Variants in CCDC14 observed in about 807,000 individuals in gnomAD.
CCDC14 encodes the protein coiled-coil domain containing 14, also known as coiled-coil domain-containing protein 14.
In CCDC14, 71 loss-of-function variants were observed where a neutral mutation model predicts 81.4. The ratio of observed to expected loss-of-function variants is 0.87; its 90% confidence interval spans 0.72 to 1.06. The LOEUF (loss-of-function observed/expected upper bound fraction) is 1.06. Ranked by LOEUF, CCDC14 falls within the 50% of genes least tolerant of loss-of-function variation. CCDC14 has a pLI of 0.00. For synonymous variants in CCDC14, 332 were observed against 364.8 expected (o/e 0.91, Z 1.03); for missense variants, 1,046 against 1,047.3 (o/e 1.00, Z 0.02).
At chr3:123,955,730 A>T in intron 5 of CCDC14, 113 bp downstream of exon 5, 1 of 967,514 alleles carries the variant, frequency 1.0e-6, no homozygotes, top group Non-Finnish European at 1.4e-6. Flanking sequence ...AGCACACATA[A>T]ACCTAACTAA....
the CCDC14 span, among the ~76,000 whole-genome samples, chr3:123,890,404 C>T: frequency 6.6e-6 from 1 of 152,318 alleles, no homozygotes; most frequent in South Asian, 2.1e-4. Flanking sequence ...CAAGGCAAGT[C>T]CCTTCCACCT....
chr3:123,910,911 C>T (rs918167367), downstream of CCDC14, among the ~76,000 whole-genome samples: 2 of 152,140 alleles, frequency 1.3e-5, no homozygotes. Flanking sequence ...ATCCTGGTCC[C>T]TATCCTCAAG....
At position 123,914,782 on chromosome 3, in the gene CCDC14, T is replaced by C. The variant is rs1438052526; in HGVS notation, c.2715A>G (p.Lys905=). ...QKSLRTGLLE[K] is the part of the protein sequence containing the mutation. ...CCTGATGAGTTTTCTTCTGAATTCA[T>C]TTCTCCAGAAGACCAGTCCTTAAAG... The change falls in exon 13 of 13, where the codon AAA becomes AAG. Residue 905 remains lysine (K), a synonymous_variant. Transcript: ENST00000409697. 8.6e-6 allele frequency: 13 copies of C among 1,514,040 alleles called. No individual in the cohort carries two copies. Among genetic ancestry groups the C allele is most frequent in the Non-Finnish European group, 1.2e-5 (13 of 1,130,260 alleles). 93.8% of individuals were successfully genotyped at this position (1,514,040 alleles called of 1,614,324 possible).
intron 12 of CCDC14, chr3:123,930,734 TGAG>T (rs1345008650): frequency 6.0e-6 from 1 of 166,404 alleles, no homozygotes; most frequent in African/African-American, 2.4e-5. Flanking sequence ...ACTTTACAGC[TGAG>T]GTTTAGAGAA....
downstream of CCDC14, among the ~76,000 whole-genome samples, chr3:123,895,811 C>T (rs1174944373): frequency 6.6e-6 from 1 of 152,224 alleles, no homozygotes; most frequent in Non-Finnish European, 1.5e-5. Flanking sequence ...CGCTTATACA[C>T]TGTTGGTGGG....
intron 5 of CCDC14, among the ~76,000 whole-genome samples, chr3:123,907,880 A>G (rs940662465): frequency 1.3e-5 from 2 of 151,560 alleles, no homozygotes; most frequent in Non-Finnish European, 2.9e-5. Context: ...GCTATTTTGC[A>G]GTTTGGTTTT....
intron 1 of CCDC14, among the ~76,000 whole-genome samples, chr3:123,959,552 G>C (rs948899233): frequency 1.3e-5 from 2 of 152,088 alleles, no homozygotes; most frequent in Non-Finnish European, 2.9e-5. Flanking sequence ...ACATGGCTTG[G>C]AAATATTTTC....
chr3:123,913,900 CAG>C lies in CCDC14; in HGVS notation c.*877_*878del. 3 of 985,260 alleles carry C rather than the reference CAG, an allele frequency of 3.0e-6. No homozygotes were observed. The highest frequency in any genetic ancestry group is 4.7e-5 in the South Asian group (1 of 21,280). 61.0% of individuals were successfully genotyped at this position (985,260 alleles called of 1,614,324 possible). A position where few individuals can be genotyped will look rare whatever the true frequency, so the allele number is the denominator to read the frequency against. Reference sequence around the variant, plus strand: ...GCTAAGAAGTCCTGGTATAGAGAAGCAGAGAGACCAACCTACTTCATATTATT... The same window carrying C: ...GCTAAGAAGTCCTGGTATAGAGAAGCAGAGACCAACCTACTTCATATTATT... On this transcript the variant is annotated 3_prime_UTR_variant, in exon 13 of 13. Transcript: ENST00000409697.
At chr3:123,893,411 A>AT (rs549335583), downstream of CCDC14, among the ~76,000 whole-genome samples, 4 of 152,214 alleles carry the variant, frequency 2.6e-5, no homozygotes, top group South Asian at 2.1e-4. Flanking sequence ...TCAAAACTTC[A>AT]TTTTTTTATA....
chr3:123,944,678 G>A (rs1453535532), intron 9 of CCDC14, among the ~76,000 whole-genome samples, 171 bp downstream of exon 9: 1 of 152,132 alleles, frequency 6.6e-6, no homozygotes, highest in African/African-American at 2.4e-5. Flanking sequence ...TGGGCAGAAG[G>A]AAGAGTTAGA....
In CCDC14 at chr3:123,908,416, T is replaced by G. The variant is rs149342251; in HGVS notation, c.668-10803A>C. On this transcript the variant is annotated intron_variant, in intron 5 of 5. Coordinates refer to the CCDC14 transcript ENST00000479903. ...CAGACAGCAATAAATTGTAAATGAA[T>G]GAAGGTCACATAACACATAAAGACA... Among the ~76,000 whole-genome samples, 1,024 of 152,272 alleles carry G rather than the reference T, an allele frequency of 6.7e-3. 15 individuals carry two copies. Among genetic ancestry groups the G allele is most frequent in the African/African-American group, 0.024 (980 of 41,558 alleles).
At chr3:123,931,600 T>TAA (rs10573718) in intron 10 of CCDC14, 74 bp from the exon 11 acceptor site, 49 of 527,412 alleles carry the variant, frequency 9.3e-5, no homozygotes, top group Middle Eastern at 5.4e-4. Context: ...ACCTGTTTCT[T>TAA]AAAAAAAAAA....
At chr3:123,907,644 A>G (rs1171160102) in intron 5 of CCDC14, among the ~76,000 whole-genome samples, 2 of 151,932 alleles carry the variant, frequency 1.3e-5, no homozygotes, top group Non-Finnish European at 2.9e-5. Context: ...GTTTGAGGTT[A>G]CAGTGAGCTT....
rs1176809845 is a variant in CCDC14, at chr3:123,956,501, C to T, written c.87-74G>A. ...TATTAGTAAGTAGTCATTTTCTTTC[C>T]AGCAAAGACAAGAAAGCTTGTCCAA... On this transcript the variant is annotated intron_variant, in intron 2 of 12. Coordinates refer to ENST00000409697, the MANE Select transcript of CCDC14 (RefSeq NM_001366335.1). 4.6e-6 allele frequency: 5 copies of T among 1,086,262 alleles called. No homozygotes were observed. In the African/African-American group the frequency reaches 8.0e-5, roughly 17 times the overall value. 67.3% of individuals were successfully genotyped at this position (1,086,262 alleles called of 1,614,324 possible).
chr3:123,921,774 T>A (rs2035062213), intron 12 of CCDC14, among the ~76,000 whole-genome samples: 1 of 152,186 alleles, frequency 6.6e-6, no homozygotes, highest in Non-Finnish European at 1.5e-5. Flanking sequence ...AATCTCATAA[T>A]GTTTTAAGAA....
chr3:123,907,352 C>G (rs1273926810), intron 5 of CCDC14, among the ~76,000 whole-genome samples: 1 of 152,066 alleles, frequency 6.6e-6, no homozygotes, highest in African/African-American at 2.4e-5. Context: ...CTCTCTGTCT[C>G]TAAACACACA....
intron 5 of CCDC14, among the ~76,000 whole-genome samples, chr3:123,906,932 C>A (rs190236818): frequency 4.6e-5 from 7 of 152,328 alleles, no homozygotes; most frequent in Middle Eastern, 3.4e-3. Context: ...GTTCTGCCAA[C>A]TCCTGCTTCA....
downstream of CCDC14, chr3:123,897,481 G>A (rs979143019): frequency 4.4e-5 from 12 of 275,130 alleles, no homozygotes; most frequent in Admixed American, 2.0e-4. Flanking sequence ...AGTTGAAGTG[G>A]GTGCTGGGGC....
chr3:123,907,854 T>G (rs1206878863), intron 5 of CCDC14, among the ~76,000 whole-genome samples: 1 of 151,938 alleles, frequency 6.6e-6, no homozygotes, highest in Non-Finnish European at 1.5e-5. Flanking sequence ...TAACTCCTGC[T>G]TTTTCAGTCC....
Sources: allele counts gnomAD v4.1 joint callset (sites outside exome capture counted in the v4.1 genomes callset), GRCh38; gene constraint gnomAD v4.1.1; transcripts MANE v1.5; gene names NCBI Gene and HGNC (gene_info 2026-07-23, HGNC 2026-07-21).